The following OSBPL7 variants were observed in gnomAD, a reference collection of about 807,000 sequenced individuals.
OSBPL7 encodes the protein oxysterol binding protein like 7.
OSBPL7 carries 66 observed loss-of-function variants against 115.8 expected under a neutral mutation model. That is an observed-to-expected ratio of 0.57 (90% CI 0.47 to 0.70). The LOEUF (loss-of-function observed/expected upper bound fraction) is 0.70, where lower values mean the gene tolerates loss of function less well. Among genes scored for constraint, OSBPL7 ranks in the 30% least tolerant of loss-of-function variants. The pLI, the probability that OSBPL7 is intolerant of heterozygous loss-of-function variation, is 0.00. For synonymous variants in OSBPL7, 441 were observed against 439.2 expected, an observed-to-expected ratio of 1.00 and a Z score of -0.05; for missense variants, 902 against 1,125.5, an observed-to-expected ratio of 0.80 and a Z score of 2.84.
In OSBPL7 at chr17:47,817,271, A is replaced by G; in HGVS notation, c.687T>C (p.Val229=). Residue 229 remains valine, a synonymous_variant, in exon 8 of 23, where the codon GTT becomes GTC. Coordinates refer to ENST00000007414, the MANE Select transcript of OSBPL7 (RefSeq NM_145798.3). Reference sequence around the variant, plus strand: ...TGGATCTTACCTGGTGTGTGGGGATAACAGGGGCTGAGGGGATTCGGTGCA... The same window carrying G: ...TGGATCTTACCTGGTGTGTGGGGATGACAGGGGCTGAGGGGATTCGGTGCA... The part of the protein sequence containing the change: ...ESLHRIPSAP[V]IPTHQASVTT... The G allele has an allele frequency of 6.3e-7, 1 of 1,596,256 alleles. No homozygotes were observed. Among genetic ancestry groups the G allele is most frequent in the Non-Finnish European group, 8.5e-7 (1 of 1,175,600 alleles).
intron 7 of OSBPL7, among the ~76,000 whole-genome samples, chr17:47,817,657 C>T (rs539958422): frequency 6.6e-6 from 1 of 152,204 alleles, no homozygotes; most frequent in African/African-American, 2.4e-5. Flanking sequence ...TCCAAAAGTG[C>T]TGGGATTACA....
chr17:47,816,205 G>T lies in OSBPL7; in HGVS notation c.1024-3C>A. ...TGGCCAGTGGAGGCCTCAGAGACCTGCAGGGAGAGGGTGAGGGACACGGTG... is the reference window on the plus strand; with the variant it reads ...TGGCCAGTGGAGGCCTCAGAGACCTTCAGGGAGAGGGTGAGGGACACGGTG... On this transcript the variant is annotated splice_region_variant and splice_polypyrimidine_tract_variant and intron_variant, in intron 11 of 22. Coordinates refer to ENST00000007414, the MANE Select transcript of OSBPL7 (RefSeq NM_145798.3). The surrounding 1 kb of genome is among the most constrained non-coding windows in gnomAD (Gnocchi z 5.8). 6.5e-7 allele frequency: 1 copy of T among 1,549,204 alleles called. No homozygotes were observed. The highest frequency in any genetic ancestry group is 8.7e-7 in the Non-Finnish European group (1 of 1,146,202).
intron 3 of OSBPL7, 81 bp downstream of exon 3, chr17:47,819,890 A>T: frequency 6.2e-7 from 1 of 1,605,578 alleles, no homozygotes; most frequent in Non-Finnish European, 8.5e-7. Context: ...TCATGCAAAC[A>T]CCATTGGACT....
chr17:47,813,987 T>A (rs1217017303), intron 14 of OSBPL7, among the ~76,000 whole-genome samples, 153 bp from the exon 15 acceptor site: 1 of 152,172 alleles, frequency 6.6e-6, no homozygotes, highest in South Asian at 2.1e-4. Flanking sequence ...GCAGGGTGAC[T>A]GGGGCTCTAA....
intron 17 of OSBPL7, 32 bp from the exon 18 acceptor site, chr17:47,810,704 A>C (rs368178733): frequency 1.2e-6 from 2 of 1,613,192 alleles, no homozygotes; most frequent in Non-Finnish European, 1.7e-6. Flanking sequence ...GAGAGTGAAC[A>C]ACAGAGATAA....
intron 16 of OSBPL7, among the ~76,000 whole-genome samples, chr17:47,812,285 C>T (rs2033067953): frequency 6.6e-6 from 1 of 152,228 alleles, no homozygotes; most frequent in Non-Finnish European, 1.5e-5. Context: ...CCCTCCCCTT[C>T]GGGGCCCCCA....
In OSBPL7 at chr17:47,816,341, C is replaced by A. The variant is rs1283279814; in HGVS notation, c.1023+47G>T. The A allele has an allele frequency of 6.7e-7, 1 of 1,488,072 alleles. No homozygotes were observed. The highest frequency in any genetic ancestry group is 1.4e-5 in the African/African-American group (1 of 71,522). The allele number at this position is 1,488,072 out of a possible 1,614,324, so 92.2% of individuals were successfully genotyped here. Reference sequence around the variant, plus strand: ...CGGACCCCAGGCTGGCAGTCCTCAGCTTGAAGCCCTCTCCCCGCACCAGTC... The same window carrying A: ...CGGACCCCAGGCTGGCAGTCCTCAGATTGAAGCCCTCTCCCCGCACCAGTC... On this transcript the variant is annotated intron_variant, in intron 11 of 22. Transcript: ENST00000007414. The surrounding 1 kb of genome is among the most constrained non-coding windows in gnomAD (Gnocchi z 5.8).
chr17:47,813,126 C>T, intron 16 of OSBPL7, 140 bp downstream of exon 16: 1 of 1,153,308 alleles, frequency 8.7e-7, no homozygotes, highest in Non-Finnish European at 1.2e-6. Context: ...GGGCCAGGAG[C>T]ACCGCAGAGC....
rs200511344 is a variant in OSBPL7, at chr17:47,809,327, C to A, written c.2025+7G>T. The A allele has an allele frequency of 3.8e-5, 62 of 1,613,808 alleles. No homozygotes were observed. The East Asian group carries it at 1.2e-3, about 31-fold the overall frequency. The stretch of plus-strand genomic sequence containing the variant: ...ATGGATGGGCAGGGTCAGGGTGGCA[C>A]ACACACCTTGCAGAAGGTGATCTTG... On this transcript the variant is annotated splice_region_variant and intron_variant, in intron 19 of 22. Transcript: ENST00000007414.
chr17:47,815,517 C>T (rs1598020861), intron 12 of OSBPL7, 165 bp from the exon 13 acceptor site: 1 of 830,446 alleles, frequency 1.2e-6, no homozygotes, highest in Non-Finnish European at 1.8e-6. Flanking sequence ...GAGAGCGGGA[C>T]AAAGGCATAG....
At position 47,810,644 on chromosome 17, in the gene OSBPL7, G is replaced by T. The variant is rs750879951; in HGVS notation, c.1830C>A (p.Gly610=). Residue 610 remains glycine, a synonymous_variant, in exon 18 of 23, where the codon GGC becomes GGA. Coordinates refer to ENST00000007414, the MANE Select transcript of OSBPL7 (RefSeq NM_145798.3). ...CCACAGGCACAATCTCCAGGGATTT[G>T]CCCCAGAACTTGTTCTTCCACTTCA... ...QDMKWKNKFW[G]KSLEIVPVGT... is the part of the protein sequence containing the mutation. The T allele has an allele frequency of 1.4e-5, 23 of 1,614,070 alleles. No individual in the cohort carries two copies. Among genetic ancestry groups the T allele is most frequent in the Middle Eastern group, 3.3e-4 (2 of 6,084 alleles).
chr17:47,815,823 G>T (rs1007225318), intron 12 of OSBPL7: 1 of 382,712 alleles, frequency 2.6e-6, no homozygotes, highest in Non-Finnish European at 4.7e-6. Flanking sequence ...AATTGCAGGA[G>T]CCTGAGCCCA....
chr17:47,811,116 C>T (rs1018221918), intron 16 of OSBPL7, among the ~76,000 whole-genome samples: 9 of 152,118 alleles, frequency 5.9e-5, no homozygotes, highest in African/African-American at 1.9e-4. Context: ...AAAAGTTCCC[C>T]GCAACAGTGA....
Position 47,807,996 on chromosome 17 carries a change from CA to C in OSBPL7, c.*294del, listed in dbSNP as rs988250419. On this transcript the variant is annotated 3_prime_UTR_variant, in exon 23 of 23. Transcript: ENST00000007414. ...AGATCCTGGGAGCCAGAGTCTCCCCCAAGTACCCCAAAGGGGACAGGAATCG... is the reference window on the plus strand; with the variant it reads ...AGATCCTGGGAGCCAGAGTCTCCCCCAGTACCCCAAAGGGGACAGGAATCG... 6.8e-6 allele frequency: 3 copies of C among 439,740 alleles called. No homozygotes were observed. The highest frequency in any genetic ancestry group is 5.9e-5 in the African/African-American group (3 of 50,744). 27.2% of individuals were successfully genotyped at this position (439,740 alleles called of 1,614,324 possible).
At chr17:47,812,205 C>T (rs1450202812) in intron 16 of OSBPL7, among the ~76,000 whole-genome samples, 1 of 152,224 alleles carries the variant, frequency 6.6e-6, no homozygotes, top group Non-Finnish European at 1.5e-5. Flanking sequence ...GTCTCTGTCC[C>T]CATCCTGTCT....
rs180998266 is a variant in OSBPL7 at position 47,819,830 on chromosome 17, G to A, written c.202-48C>T. On this transcript the variant is annotated intron_variant, in intron 3 of 22. Coordinates refer to ENST00000007414, the MANE Select transcript of OSBPL7 (RefSeq NM_145798.3). ...CAGGACCCGGGAGGCCGAGAGGAAG[G>A]GCATGAGGGAGAAGGCAACCACACA... is the stretch of plus-strand genomic sequence containing the variant. 2.4e-5 allele frequency: 39 copies of A among 1,612,846 alleles called. No individual in the cohort carries two copies. The East Asian group carries it at 8.0e-4, about 33-fold the overall frequency.
chr17:47,820,546 C>T, intron 1 of OSBPL7, 181 bp from the exon 2 acceptor site: 1 of 456,592 alleles, frequency 2.2e-6, no homozygotes, highest in Non-Finnish European at 4.0e-6. Flanking sequence ...TGGACACTGC[C>T]CTGAGAGTGA....
Position 47,817,309 on chromosome 17 carries a change from T to A in OSBPL7, c.649A>T (p.Ser217Cys), listed in dbSNP as rs2033254178. ...GGGATTCGGTGCAGGGACTCCAGGCTCTGGAGGAGCCTGTGTAGTTCCTGG... is the reference window on the plus strand; with the variant it reads ...GGGATTCGGTGCAGGGACTCCAGGCACTGGAGGAGCCTGTGTAGTTCCTGG... Reference protein sequence around the residue: ...KLQELHRLLQSLESLHRIPSA... With the variant: ...KLQELHRLLQCLESLHRIPSA... Residue 217 changes from serine (S) to cysteine (C), a missense_variant, in exon 8 of 23, where the codon AGC becomes TGC. Around this residue, in one of 3 missense-constraint regions of OSBPL7, gnomAD observed 667 missense variants for 788.7 expected, o/e 0.85. Transcript: ENST00000007414. 1 of 1,603,186 alleles carries A rather than the reference T, an allele frequency of 6.2e-7. No homozygotes were observed. Among genetic ancestry groups the A allele is most frequent in the South Asian group, 1.1e-5 (1 of 89,144 alleles).
At position 47,807,731 on chromosome 17, in the gene OSBPL7, G is replaced by C. The variant is rs1027510924; in HGVS notation, c.*560C>G. 2 of 154,096 alleles carry C rather than the reference G, an allele frequency of 1.3e-5. No homozygotes were observed. Among genetic ancestry groups the C allele is most frequent in the African/African-American group, 4.8e-5 (2 of 41,472 alleles). The allele number at this position is 154,096 out of a possible 1,614,324, so 9.5% of individuals were successfully genotyped here. On this transcript the variant is annotated 3_prime_UTR_variant, in exon 23 of 23. Transcript: ENST00000007414. ...AAGCTGCAGGCATTTTGCAGTTAGGGAGAAGGGATCCAGGACAGGAGGGAT... is the reference window on the plus strand; with the variant it reads ...AAGCTGCAGGCATTTTGCAGTTAGGCAGAAGGGATCCAGGACAGGAGGGAT...
Sources: gnomAD v4.1 joint callset for allele counts (sites outside exome capture counted in the v4.1 genomes callset) on GRCh38, gnomAD v4.1.1 for gene constraint, gnomAD v4.1.1 regional missense constraint, Gnocchi (gnomAD v3.1) non-coding constraint, MANE v1.5 for transcripts, NCBI Gene and HGNC (gene_info 2026-07-23, HGNC 2026-07-21) for gene names.